The following MPRIP variants were observed in gnomAD, a reference collection of about 807,000 sequenced individuals.
The protein encoded by MPRIP is myosin phosphatase Rho interacting protein.
In MPRIP, 59 loss-of-function variants were observed where a neutral mutation model predicts 234.9. That is an observed-to-expected ratio of 0.25 (90% CI 0.20 to 0.31). The LOEUF (loss-of-function observed/expected upper bound fraction) is 0.31, where lower values mean the gene tolerates loss of function less well. Ranked by LOEUF, MPRIP falls within the 10% of genes least tolerant of loss-of-function variation. The pLI is 1.00. For synonymous variants in MPRIP, 1,144 were observed against 1,263.9 expected, an observed-to-expected ratio of 0.91 and a Z score of 2.01; for missense variants, 2,436 against 3,071.0, an observed-to-expected ratio of 0.79 and a Z score of 4.89.
At chr17:17,130,703 C>T (rs929407435) in intron 4 of MPRIP, among the ~76,000 whole-genome samples, 1 of 152,084 alleles carries the variant, frequency 6.6e-6, no homozygotes, top group Non-Finnish European at 1.5e-5. Context: ...TAGGGCTGCC[C>T]TTGCACAACC....
intron 19 of MPRIP, 142 bp downstream of exon 19, chr17:17,174,217 T>C (rs548028047): frequency 1.3e-4 from 137 of 1,065,164 alleles, no homozygotes; most frequent in Non-Finnish European, 1.7e-4. Context: ...ACAGAGTGGT[T>C]ACCTGCCCCA....
chr17:17,175,300 A>G lies in MPRIP; in HGVS notation c.6758A>G (p.Asn2253Ser). ...TGTGTTGCTGTCCCCCAGGAGCTGA[A>G]CAACCGCCTGGCTGCAGAGATCACA... ...QELNAHNQEL[N>S]NRLAAEITRL... Residue 2253 changes from asparagine (N) to serine (S), a missense_variant, in exon 20 of 24, where the codon AAC becomes AGC. By Grantham distance (46) the Asn-to-Ser change is conservative (BLOSUM62 1). Around this residue, in one of 4 missense-constraint regions of MPRIP, gnomAD observed 1,998 missense variants for 2,520.3 expected, o/e 0.79. Coordinates refer to ENST00000651222, the MANE Select transcript of MPRIP (RefSeq NM_001364716.4). 6.2e-7 allele frequency: 1 copy of G among 1,613,516 alleles called. No homozygotes were observed. The highest frequency in any genetic ancestry group is 8.5e-7 in the Non-Finnish European group (1 of 1,180,008).
In MPRIP at chr17:17,187,759, TGAA is replaced by T. The variant is rs1304134547; in HGVS notation, c.*2870_*2872del. 4 of 152,322 alleles carry T rather than the reference TGAA, an allele frequency of 2.6e-5. No homozygotes were observed. In the East Asian group the frequency reaches 7.7e-4, roughly 29 times the overall value. 9.4% of individuals were successfully genotyped at this position (152,322 alleles called of 1,614,324 possible). ...TTCCAGAGGGAAGAAAGAAGAACAG[TGAA>T]GAAGTAGAACTGGTTTCTGTATGGG... is the stretch of plus-strand genomic sequence containing the variant. On this transcript the variant is annotated 3_prime_UTR_variant, in exon 24 of 24. Transcript: ENST00000651222.
chr17:17,176,026 C>CCGCT (rs1376616064), intron 20 of MPRIP, among the ~76,000 whole-genome samples: 2 of 152,286 alleles, frequency 1.3e-5, no homozygotes, highest in East Asian at 3.9e-4. Flanking sequence ...AGGTGTTGGG[C>CCGCT]CGCTGTCTGC....
Position 17,186,026 on chromosome 17 carries a change from C to G in MPRIP, c.*1132C>G, listed in dbSNP as rs2046468752. ...ACAGTTTGAGGAAGACCTTTTTAAC[C>G]ACCACAAAACATTCTATGGCAATTC... On this transcript the variant is annotated 3_prime_UTR_variant, in exon 24 of 24. Coordinates refer to ENST00000651222, the MANE Select transcript of MPRIP (RefSeq NM_001364716.4). 6.5e-6 allele frequency: 1 copy of G among 154,376 alleles called. No homozygotes were observed. The highest frequency in any genetic ancestry group is 1.4e-5 in the Non-Finnish European group (1 of 69,716). The allele number at this position is 154,376 out of a possible 1,614,324, so 9.6% of individuals were successfully genotyped here. A position where few individuals can be genotyped will look rare whatever the true frequency, so the allele number is the denominator to read the frequency against.
At chr17:17,127,911 C>T (rs117337774) in intron 4 of MPRIP, among the ~76,000 whole-genome samples, 4,932 of 152,330 alleles carry the variant, frequency 0.032, 124 homozygotes, top group Middle Eastern at 0.058. Flanking sequence ...TGCTGGGTCC[C>T]GGGGGCGCTC....
In MPRIP at chr17:17,126,582, G is replaced by A. The variant is rs1336896646; in HGVS notation, c.268-120G>A. The A allele has an allele frequency of 1.1e-5, 13 of 1,163,922 alleles. No individual in the cohort carries two copies. In the East Asian group the frequency reaches 2.7e-4, roughly 24 times the overall value. The allele number at this position is 1,163,922 out of a possible 1,614,324, so 72.1% of individuals were successfully genotyped here. A position where few individuals can be genotyped will look rare whatever the true frequency, so the allele number is the denominator to read the frequency against. On this transcript the variant is annotated intron_variant, in intron 3 of 23. Coordinates refer to ENST00000651222, the MANE Select transcript of MPRIP (RefSeq NM_001364716.4). ...CAAAGGAAGAGGAGCTGGGGCTGGA[G>A]TGAGGGAGAGCACTCCTAGAGGCCC... is the stretch of plus-strand genomic sequence containing the variant.
chr17:17,135,915 G>T (rs1030882697), intron 5 of MPRIP, among the ~76,000 whole-genome samples: 1 of 152,218 alleles, frequency 6.6e-6, no homozygotes, highest in Admixed American at 6.5e-5. Flanking sequence ...AGACTTGGGC[G>T]CTGTGAACTT....
rs377338005 is a variant in MPRIP, at chr17:17,184,777, G to T, written c.7207-46G>T. On this transcript the variant is annotated intron_variant, in intron 23 of 23. Transcript: ENST00000651222. ...GGTCCGGTCCGGTCCAGTGCAGGGG[G>T]TCTAACGGTGTGTTTATTTTCTCCT... 3.1e-5 allele frequency: 45 copies of T among 1,468,472 alleles called. No homozygotes were observed. The African/African-American group carries it at 5.6e-4, about 18-fold the overall frequency. 91.0% of individuals were successfully genotyped at this position (1,468,472 alleles called of 1,614,324 possible).
chr17:17,078,148 G>A lies in MPRIP; in HGVS notation c.267+72G>A, dbSNP rs986387929. On this transcript the variant is annotated intron_variant, in intron 3 of 23. Transcript: ENST00000651222. The surrounding 1 kb of genome is among the most constrained non-coding windows in gnomAD (Gnocchi z 4.3). ...CCCTCCATTACAGTGCCCTTGCGTT[G>A]TCATGTGAGAGCACAGCAGCCATGT... is the stretch of plus-strand genomic sequence containing the variant. The A allele has an allele frequency of 4.0e-6, 6 of 1,491,472 alleles. No homozygotes were observed. In the African/African-American group the frequency reaches 8.3e-5, roughly 21 times the overall value. 92.4% of individuals were successfully genotyped at this position (1,491,472 alleles called of 1,614,324 possible).
chr17:17,052,912 A>G (rs940361510), intron 1 of MPRIP, among the ~76,000 whole-genome samples: 1 of 152,160 alleles, frequency 6.6e-6, no homozygotes, highest in Non-Finnish European at 1.5e-5. Flanking sequence ...ACCGTGGCGC[A>G]CTTTCCACAC....
chr17:17,098,215 C>G (rs1462351203), intron 3 of MPRIP, among the ~76,000 whole-genome samples: 2 of 152,200 alleles, frequency 1.3e-5, no homozygotes, highest in Non-Finnish European at 2.9e-5. Flanking sequence ...CCAGGGAGCT[C>G]AGCGCTCAGC....
Position 17,150,346 on chromosome 17 carries a change from G to GA in MPRIP, c.1719+113_1719+114insA. The GA allele has an allele frequency of 4.0e-6, 3 of 742,676 alleles. No individual in the cohort carries two copies. In the Admixed American group the frequency reaches 6.9e-5, roughly 17 times the overall value. The allele number at this position is 742,676 out of a possible 1,614,324, so 46.0% of individuals were successfully genotyped here. ...GGACAGGCCTGATGCAGCGTGTATG[G>GA]TCAGCACTTAGTCTTTCCCACTACC... On this transcript the variant is annotated intron_variant, in intron 12 of 23. Transcript: ENST00000651222.
At chr17:17,120,882 G>A (rs975989546) in intron 3 of MPRIP, among the ~76,000 whole-genome samples, 10 of 152,144 alleles carry the variant, frequency 6.6e-5, no homozygotes, top group Admixed American at 1.3e-4. Flanking sequence ...TACTCTCGCA[G>A]CACAAGATTC....
chr17:17,182,512 GCT>G (rs1453716745), intron 23 of MPRIP: 1 of 152,344 alleles, frequency 6.6e-6, no homozygotes, highest in African/African-American at 2.4e-5. Flanking sequence ...GAGGGAGCTG[GCT>G]GAGCCTTGGG....
chr17:17,066,742 T>C (rs2089040925), intron 1 of MPRIP, among the ~76,000 whole-genome samples: 2 of 80,074 alleles, frequency 2.5e-5, no homozygotes, highest in African/African-American at 1.1e-4. Flanking sequence ...TTTTTTTTTT[T>C]TTTTTTTTTT....
rs1159386579 is a variant in MPRIP, at chr17:17,078,662, G to A, written c.267+586G>A. On this transcript the variant is annotated intron_variant, in intron 3 of 23. Coordinates refer to ENST00000651222, the MANE Select transcript of MPRIP (RefSeq NM_001364716.4). The surrounding 1 kb of genome is among the most constrained non-coding windows in gnomAD (Gnocchi z 4.3). ...TGGTTTTCCAGTTGCTTCCTGGGCT[G>A]GATGAGTGTTTGCTGCTGTTGCCCC... Among the ~76,000 whole-genome samples, 1 of 152,198 alleles carries A rather than the reference G, an allele frequency of 6.6e-6. No homozygotes were observed. Among genetic ancestry groups the A allele is most frequent in the Non-Finnish European group, 1.5e-5 (1 of 68,030 alleles).
At chr17:17,062,105 A>G (rs994056377) in intron 1 of MPRIP, among the ~76,000 whole-genome samples, 3 of 152,018 alleles carry the variant, frequency 2.0e-5, no homozygotes, top group African/African-American at 7.2e-5. Context: ...CCAAGACTTG[A>G]ATTGGCCTTC....
chr17:17,142,864 C>A (rs1401237556), intron 8 of MPRIP, 99 bp downstream of exon 8: 16 of 1,376,886 alleles, frequency 1.2e-5, no homozygotes, highest in Non-Finnish European at 1.5e-5. Flanking sequence ...CTGGGATGTG[C>A]TCCTGCCAGG....
Sources: gnomAD v4.1 joint callset for allele counts (sites outside exome capture counted in the v4.1 genomes callset) on GRCh38, gnomAD v4.1.1 for gene constraint, gnomAD v4.1.1 regional missense constraint, Gnocchi (gnomAD v3.1) non-coding constraint, MANE v1.5 for transcripts, NCBI Gene and HGNC (gene_info 2026-07-23, HGNC 2026-07-21) for gene names.